The following RTF1 variants were observed in gnomAD, a reference collection of about 807,000 sequenced individuals.
RTF1 encodes RNA polymerase-associated protein RTF1 homolog.
In RTF1, 10 loss-of-function variants were observed where a neutral mutation model predicts 95.7. That is an observed-to-expected ratio of 0.10 (90% CI 0.06 to 0.18). The LOEUF is 0.18. RTF1 is among the 10% of genes least tolerant of loss of function. RTF1 has a pLI of 1.00. For missense variants in RTF1, 458 were observed against 875.6 expected (o/e 0.52, Z 6.02); for synonymous variants, 305 against 311.8 (o/e 0.98, Z 0.23).
chr15:41,421,132 G>C (rs2050598324), intron 1 of RTF1, among the ~76,000 whole-genome samples: 1 of 151,970 alleles, frequency 6.6e-6, no homozygotes. Flanking sequence ...GATCAGCGTA[G>C]GCAACAAAGT....
intron 15 of RTF1, 98 bp from the exon 16 acceptor site, chr15:41,479,005 T>G: frequency 1.3e-6 from 1 of 750,744 alleles, no homozygotes. Context: ...GGGTCGGCTG[T>G]GGTGCTTGTG....
At position 41,469,918 on chromosome 15, in the gene RTF1, TTC is replaced by T. The variant is rs2050901267; in HGVS notation, c.890-337_890-336del. The stretch of plus-strand genomic sequence containing the variant: ...CCTATTTTAAATTTTCCTCAGAAGC[TTC>T]TGAAGTCATCATGAGTCTTTCCCCC... On this transcript the variant is annotated intron_variant, in intron 6 of 17. Coordinates refer to ENST00000389629, the MANE Select transcript of RTF1 (RefSeq NM_015138.5). 5.3e-5 allele frequency among the ~76,000 whole-genome samples: 8 copies of T among 152,316 alleles called. No homozygotes were observed. In the South Asian group the frequency reaches 1.7e-3, roughly 32 times the overall value.
intron 1 of RTF1, among the ~76,000 whole-genome samples, chr15:41,418,791 A>G (rs2050585063): frequency 6.6e-6 from 1 of 151,670 alleles, no homozygotes; most frequent in African/African-American, 2.4e-5. Context: ...TCACAAAAAA[A>G]AAAAAAAAAA....
At chr15:41,460,103 A>ATTTTTG (rs1390480415) in intron 4 of RTF1, among the ~76,000 whole-genome samples, 16 of 131,536 alleles carry the variant, frequency 1.2e-4, no homozygotes, top group African/African-American at 1.4e-4. Flanking sequence ...TAGACATTTG[A>ATTTTTG]TTTTTGTTTT....
At chr15:41,454,484 G>T (rs984693836) in intron 3 of RTF1, among the ~76,000 whole-genome samples, 9 of 152,174 alleles carry the variant, frequency 5.9e-5, no homozygotes, top group Non-Finnish European at 1.3e-4. Context: ...TGATAAAGTT[G>T]ATTTACTCAA....
chr15:41,451,133 A>C (rs528592785), intron 2 of RTF1, among the ~76,000 whole-genome samples: 1 of 152,114 alleles, frequency 6.6e-6, no homozygotes, highest in Admixed American at 6.6e-5. Flanking sequence ...TACTTCTTCT[A>C]TTACCTATTG....
intron 1 of RTF1, among the ~76,000 whole-genome samples, chr15:41,432,043 C>G (rs1355135598): frequency 6.6e-6 from 1 of 151,858 alleles, no homozygotes; most frequent in African/African-American, 2.4e-5. Flanking sequence ...TTGTGATCCG[C>G]CCACCTCGGC....
At position 41,472,372 on chromosome 15, in the gene RTF1, A is replaced by G. The variant is rs8036546; in HGVS notation, c.1203+1023A>G. On this transcript the variant is annotated intron_variant, in intron 8 of 17. Transcript: ENST00000389629. Reference sequence around the variant, plus strand: ...CAGGCACCCGCCACCGTGCCTGGCTACTGTTTGTATTTTTAGTAGAGATGG... The same window carrying G: ...CAGGCACCCGCCACCGTGCCTGGCTGCTGTTTGTATTTTTAGTAGAGATGG... 7.7e-3 allele frequency among the ~76,000 whole-genome samples: 1,152 copies of G among 148,772 alleles called. 15 individuals carry two copies. The highest frequency in any genetic ancestry group is 0.028 in the African/African-American group (1,117 of 40,098).
chr15:41,449,467 G>A (rs1332929770), intron 2 of RTF1, among the ~76,000 whole-genome samples: 2 of 151,818 alleles, frequency 1.3e-5, no homozygotes, highest in Non-Finnish European at 2.9e-5. Context: ...TCCTGACCTC[G>A]TGATCTGCCC....
intron 2 of RTF1, among the ~76,000 whole-genome samples, chr15:41,440,490 CTTTTTT>C (rs1271679997): frequency 8.5e-6 from 1 of 117,950 alleles, no homozygotes; most frequent in Non-Finnish European, 1.8e-5. Context: ...CGCCTGGCCT[CTTTTTT>C]TTTTTTTTTT....
At chr15:41,451,276 A>G (rs75324311) in intron 2 of RTF1, among the ~76,000 whole-genome samples, 193 of 152,358 alleles carry the variant, frequency 1.3e-3, no homozygotes, top group African/African-American at 4.5e-3. Context: ...AAAGATGATT[A>G]TTCTTTATGG....
intron 2 of RTF1, among the ~76,000 whole-genome samples, chr15:41,447,650 A>G (rs2050770313): frequency 6.6e-6 from 1 of 152,210 alleles, no homozygotes; most frequent in Non-Finnish European, 1.5e-5. Context: ...ATGTACACCT[A>G]GGAAAGCAGG....
Position 41,475,621 on chromosome 15 carries a change from C to T in RTF1, c.1374+9C>T, listed in dbSNP as rs778970760. ...TGAAGTGGAAAGAAGCGGTACGTGG[C>T]TAGAGATTACCTAGCAGTTGTTCGT... On this transcript the variant is annotated intron_variant, in intron 10 of 17. Coordinates refer to ENST00000389629, the MANE Select transcript of RTF1 (RefSeq NM_015138.5). 6.2e-7 allele frequency: 1 copy of T among 1,612,334 alleles called. No homozygotes were observed. Among genetic ancestry groups the T allele is most frequent in the South Asian group, 1.1e-5 (1 of 91,012 alleles).
chr15:41,480,373 C>A, intron 17 of RTF1, 48 bp downstream of exon 17: 1 of 1,331,012 alleles, frequency 7.5e-7, no homozygotes, highest in Non-Finnish European at 1.1e-6. Context: ...CAGATGGATC[C>A]ATGGTTTTCT....
At chr15:41,454,876 A>G (rs1401471182) in intron 3 of RTF1, among the ~76,000 whole-genome samples, 1 of 152,234 alleles carries the variant, frequency 6.6e-6, no homozygotes, top group Non-Finnish European at 1.5e-5. Flanking sequence ...CACTAGCCAC[A>G]TTTGAGTTTG....
chr15:41,460,348 C>T (rs567188354), intron 4 of RTF1, among the ~76,000 whole-genome samples: 116 of 152,156 alleles, frequency 7.6e-4, no homozygotes, highest in African/African-American at 2.7e-3. Flanking sequence ...GTCTCAAACT[C>T]CTGACCTCAA....
At chr15:41,417,428 G>A in intron 1 of RTF1, 115 bp downstream of exon 1, 1 of 902,616 alleles carries the variant, frequency 1.1e-6, no homozygotes, top group Non-Finnish European at 1.5e-6. Context: ...CTCGCCCCGT[G>A]CCCTGGGCAC....
At chr15:41,436,205 A>G (rs1458700548) in intron 1 of RTF1, among the ~76,000 whole-genome samples, 2 of 150,246 alleles carry the variant, frequency 1.3e-5, no homozygotes, top group African/African-American at 2.5e-5. Context: ...TAATCCTAGC[A>G]CTCTGGGAGG....
In RTF1 at chr15:41,421,506, C is replaced by T. The variant is rs1460664258; in HGVS notation, c.198+4193C>T. Among the ~76,000 whole-genome samples the T allele has an allele frequency of 2.0e-5, 3 of 151,088 alleles. No homozygotes were observed. The East Asian group carries it at 5.8e-4, about 29-fold the overall frequency. ...AAATTAGCTGGGCATGGTGGCGTGC[C>T]TCTAGTCTCAGCTACTTGGGAGTCT... On this transcript the variant is annotated intron_variant, in intron 1 of 17. Transcript: ENST00000389629.
Sources: allele counts gnomAD v4.1 joint callset (sites outside exome capture counted in the v4.1 genomes callset), GRCh38; gene constraint gnomAD v4.1.1; transcripts MANE v1.5; gene names NCBI Gene and HGNC (gene_info 2026-07-23, HGNC 2026-07-21).